REEP1: variants seen among roughly 807,000 people sequenced by gnomAD.
REEP1 encodes the protein receptor expression-enhancing protein 1.
Under a neutral mutation model 40.3 loss-of-function variants are expected in REEP1, and 22 were observed. That is an observed-to-expected ratio of 0.55 (90% CI 0.39 to 0.78). REEP1 has a LOEUF of 0.78. Among genes scored for constraint, REEP1 ranks in the 30% least tolerant of loss-of-function variants. The pLI is 0.00. For missense variants in REEP1, 280 were observed against 361.1 expected (o/e 0.78, Z 1.82); for synonymous variants, 116 against 139.2 (o/e 0.83, Z 1.17).
chr2:86,323,474 G>A (rs1225336222), intron 1 of REEP1, among the ~76,000 whole-genome samples: 4 of 152,224 alleles, frequency 2.6e-5, no homozygotes, highest in Admixed American at 6.5e-5. Flanking sequence ...CCTGAACTCC[G>A]CCTCCTGTCA....
chr2:86,238,289 T>C (rs1026299349), intron 5 of REEP1, among the ~76,000 whole-genome samples: 36 of 152,230 alleles, frequency 2.4e-4, no homozygotes, highest in African/African-American at 8.7e-4. Flanking sequence ...GATAATGATG[T>C]GTCTCAGAAA....
intron 5 of REEP1, among the ~76,000 whole-genome samples, chr2:86,249,887 A>C (rs1676173122): frequency 6.6e-6 from 1 of 152,190 alleles, no homozygotes; most frequent in Non-Finnish European, 1.5e-5. Flanking sequence ...ATATTTAGAG[A>C]GAAAAAGCAA....
chr2:86,248,603 A>G (rs1199065053), intron 5 of REEP1, among the ~76,000 whole-genome samples: 1 of 151,968 alleles, frequency 6.6e-6, no homozygotes, highest in Non-Finnish European at 1.5e-5. Flanking sequence ...GGCACATGCC[A>G]CCATGCCTGG....
intron 5 of REEP1, among the ~76,000 whole-genome samples, chr2:86,237,095 C>T (rs1675401547): frequency 6.6e-6 from 1 of 152,204 alleles, no homozygotes; most frequent in South Asian, 2.1e-4. Context: ...CTTACAATTG[C>T]TGCCGCCCTG....
intron 2 of REEP1, among the ~76,000 whole-genome samples, chr2:86,265,564 T>C (rs1256831122): frequency 2.7e-5 from 4 of 150,926 alleles, no homozygotes; most frequent in Non-Finnish European, 4.4e-5. Flanking sequence ...AAATGGGGTG[T>C]ATATACATAC....
chr2:86,288,422 C>G (rs1678523769), intron 1 of REEP1, among the ~76,000 whole-genome samples: 5 of 152,230 alleles, frequency 3.3e-5, no homozygotes, highest in Admixed American at 3.3e-4. Context: ...TTCCAAGTAG[C>G]TGGGATTACA....
Position 86,216,825 on chromosome 2 carries a change from CT to C in REEP1, c.*213del. ...GACTTAAAGGTCACCACCCCCGCCC[CT>C]ACTACCTTTCCCTTTAGCCTCTCCC... On this transcript the variant is annotated 3_prime_UTR_variant, in exon 9 of 9. Transcript: ENST00000538924. 1.8e-6 allele frequency: 1 copy of C among 553,510 alleles called. No homozygotes were observed. Among genetic ancestry groups the C allele is most frequent in the Non-Finnish European group, 3.2e-6 (1 of 308,406 alleles). 34.3% of individuals were successfully genotyped at this position (553,510 alleles called of 1,614,324 possible).
chr2:86,332,436 AACACACACAC>A (rs55793634), intron 1 of REEP1, among the ~76,000 whole-genome samples: 12 of 136,226 alleles, frequency 8.8e-5, no homozygotes, highest in Middle Eastern at 3.5e-3. Context: ...CTTTCCTGGA[AACACACACAC>A]ACACACACAC....
At chr2:86,305,833 G>A (rs1679456089) in intron 1 of REEP1, among the ~76,000 whole-genome samples, 1 of 152,080 alleles carries the variant, frequency 6.6e-6, no homozygotes, top group African/African-American at 2.4e-5. Context: ...CATGCCCGGA[G>A]GACTCGAGAA....
intron 6 of REEP1, among the ~76,000 whole-genome samples, chr2:86,231,248 G>A (rs544763500): frequency 9.9e-5 from 15 of 152,198 alleles, no homozygotes; most frequent in South Asian, 2.1e-4. Flanking sequence ...GGGGTCCCTC[G>A]GGGGGTAACC....
chr2:86,255,751 A>G (rs1362516304), intron 3 of REEP1, among the ~76,000 whole-genome samples: 1 of 152,192 alleles, frequency 6.6e-6, no homozygotes, highest in Non-Finnish European at 1.5e-5. Context: ...ACCTGAGACA[A>G]GTGCCATAGT....
chr2:86,214,821 T>G lies in REEP1; in HGVS notation c.*2218A>C, dbSNP rs1674015455. The G allele has an allele frequency of 6.6e-6, 1 of 152,642 alleles. No individual in the cohort carries two copies. The highest frequency in any genetic ancestry group is 2.1e-4 in the South Asian group (1 of 4,834). The allele number at this position is 152,642 out of a possible 1,614,324, so 9.5% of individuals were successfully genotyped here. On this transcript the variant is annotated 3_prime_UTR_variant, in exon 9 of 9. Coordinates refer to ENST00000538924, the MANE Select transcript of REEP1 (RefSeq NM_001371279.1). ...ATATTTTTCAATCTTGAATGAGAAG[T>G]AATAATACAGCATGTCTGAGAATAG...
At chr2:86,310,430 T>C (rs1020878138) in intron 1 of REEP1, among the ~76,000 whole-genome samples, 8 of 152,220 alleles carry the variant, frequency 5.3e-5, no homozygotes, top group African/African-American at 1.9e-4. Flanking sequence ...CCATACCATG[T>C]AGCCTAGATG....
intron 1 of REEP1, among the ~76,000 whole-genome samples, chr2:86,300,941 C>T (rs1276674269): frequency 6.6e-6 from 1 of 152,170 alleles, no homozygotes; most frequent in African/African-American, 2.4e-5. Context: ...CCCTTCACGC[C>T]TCTGGGTACC....
chr2:86,232,241 A>G (rs1418536718), intron 6 of REEP1, among the ~76,000 whole-genome samples: 1 of 152,214 alleles, frequency 6.6e-6, no homozygotes, highest in Admixed American at 6.5e-5. Context: ...ACACTTAGGT[A>G]TCAACAGGTA....
intron 1 of REEP1, among the ~76,000 whole-genome samples, chr2:86,323,986 T>A (rs1464139261): frequency 2.6e-5 from 4 of 151,796 alleles, no homozygotes; most frequent in Non-Finnish European, 5.9e-5. Flanking sequence ...AGAAAAAAAA[T>A]TAGACTGCTG....
chr2:86,232,282 G>T (rs2104048138), intron 6 of REEP1, among the ~76,000 whole-genome samples: 1 of 152,320 alleles, frequency 6.6e-6, no homozygotes, highest in South Asian at 2.1e-4. Context: ...AGACAACACA[G>T]AAGGCTCCCG....
At position 86,216,140 on chromosome 2, in the gene REEP1, G is replaced by C. The variant is rs946103189; in HGVS notation, c.*899C>G. ...CACGATAAAGGAGAAATCGTCCTTTGTCAAGCACAGAATTACTCCTTCCAG... is the reference window on the plus strand; with the variant it reads ...CACGATAAAGGAGAAATCGTCCTTTCTCAAGCACAGAATTACTCCTTCCAG... On this transcript the variant is annotated 3_prime_UTR_variant, in exon 9 of 9. Transcript: ENST00000538924. 2 of 152,190 alleles carry C rather than the reference G, an allele frequency of 1.3e-5. No homozygotes were observed. Among genetic ancestry groups the C allele is most frequent in the Non-Finnish European group, 2.9e-5 (2 of 68,032 alleles). The allele number at this position is 152,190 out of a possible 1,614,324, so 9.4% of individuals were successfully genotyped here. A position where few individuals can be genotyped will look rare whatever the true frequency, so the allele number is the denominator to read the frequency against.
At chr2:86,266,246 G>A (rs1159219337) in intron 2 of REEP1, among the ~76,000 whole-genome samples, 1 of 152,218 alleles carries the variant, frequency 6.6e-6, no homozygotes, top group Non-Finnish European at 1.5e-5. Context: ...AAATGTAAGA[G>A]TTAAAACTAT....
Sources: allele counts gnomAD v4.1 joint callset (sites outside exome capture counted in the v4.1 genomes callset), GRCh38; gene constraint gnomAD v4.1.1; transcripts MANE v1.5; gene names NCBI Gene and HGNC (gene_info 2026-07-23, HGNC 2026-07-21).